Variants in OCM observed in about 807,000 individuals in gnomAD.
OCM encodes oncomodulin.
Under a neutral mutation model 14.1 loss-of-function variants are expected in OCM, and 18 were observed. The observed-to-expected ratio is 1.28, with a 90% CI of 0.88 to 1.89. The LOEUF (loss-of-function observed/expected upper bound fraction) is 1.89, where lower values mean the gene tolerates loss of function less well. OCM is among the 40% of genes most tolerant of loss of function. The pLI is 0.00. For missense variants in OCM, 140 were observed against 137.6 expected, an observed-to-expected ratio of 1.02 and a Z score of -0.09; for synonymous variants, 48 against 51.0, an observed-to-expected ratio of 0.94 and a Z score of 0.25.
chr7:5,869,152 C>T, the OCM span, among the ~76,000 whole-genome samples: 1 of 152,170 alleles, frequency 6.6e-6, no homozygotes, highest in African/African-American at 2.4e-5. Flanking sequence ...ATTCTGAATA[C>T]AGTACTGACA....
chr7:5,880,710 G>C, upstream of OCM: 2 of 559,616 alleles, frequency 3.6e-6, no homozygotes, highest in South Asian at 2.5e-5. Flanking sequence ...GGTGAGCCGA[G>C]ATCACGCTCT....
chr7:5,882,766 A>G (rs1187882054), intron 2 of OCM, 141 bp downstream of exon 2: 5 of 978,272 alleles, frequency 5.1e-6, no homozygotes, highest in Admixed American at 2.8e-5. Flanking sequence ...AGCAAAGGAC[A>G]TGAGTCAGTT....
chr7:5,872,145 C>T, the OCM span: 1 of 152,228 alleles, frequency 6.6e-6, no homozygotes, highest in Non-Finnish European at 1.5e-5. Context: ...TCGTAGGTCA[C>T]AAGGGATGCA....
the OCM span, among the ~76,000 whole-genome samples, chr7:5,862,640 T>C: frequency 6.6e-6 from 1 of 152,218 alleles, no homozygotes; most frequent in African/African-American, 2.4e-5. Flanking sequence ...TTTACTGAGC[T>C]CAAGATGAAT....
upstream of OCM, among the ~76,000 whole-genome samples, chr7:5,876,371 A>G (rs1781096089): frequency 6.6e-6 from 1 of 151,930 alleles, no homozygotes; most frequent in Admixed American, 6.6e-5. Flanking sequence ...GGCTAGTCTT[A>G]AACTCCTGGG....
At chr7:5,874,729 C>T in the OCM span, among the ~76,000 whole-genome samples, 8 of 151,962 alleles carry the variant, frequency 5.3e-5, no homozygotes, top group South Asian at 1.7e-3. Flanking sequence ...TGGTCTCAAA[C>T]TCCTGGCTTC....
At chr7:5,879,686 A>C (rs1175975735), upstream of OCM, 1 of 148,380 alleles carries the variant, frequency 6.7e-6, no homozygotes, top group Non-Finnish European at 1.5e-5. Flanking sequence ...GGTTTGTTGA[A>C]GTTTGTTGTT....
intron 3 of OCM, among the ~76,000 whole-genome samples, chr7:5,885,585 C>T (rs973894620): frequency 9.3e-5 from 14 of 150,184 alleles, no homozygotes; most frequent in Admixed American, 2.0e-4. Context: ...TCATTGATAC[C>T]CAGGGTTTTT....
rs957388074 is a variant in OCM at position 5,886,243 on chromosome 7, C to G, written c.*154C>G. The G allele has an allele frequency of 5.5e-6, 6 of 1,093,492 alleles. No individual in the cohort carries two copies. Among genetic ancestry groups the G allele is most frequent in the Non-Finnish European group, 8.0e-6 (6 of 750,322 alleles). 67.7% of individuals were successfully genotyped at this position (1,093,492 alleles called of 1,614,324 possible). A position where few individuals can be genotyped will look rare whatever the true frequency, so the allele number is the denominator to read the frequency against. ...TTTGCTCATTGTTTTAGTGAGGTCA[C>G]GAGGGAGTCACTCCTGACTTTCTTG... On this transcript the variant is annotated 3_prime_UTR_variant, in exon 4 of 4. Coordinates refer to ENST00000242104, the MANE Select transcript of OCM (RefSeq NM_001097622.2).
chr7:5,867,771 GT>G, the OCM span, among the ~76,000 whole-genome samples: 1 of 151,734 alleles, frequency 6.6e-6, no homozygotes, highest in Non-Finnish European at 1.5e-5. Flanking sequence ...TTGGGGGGTT[GT>G]TTTTTCTAAG....
At chr7:5,881,679 G>A (rs183926126) in intron 1 of OCM, among the ~76,000 whole-genome samples, 27 of 151,978 alleles carry the variant, frequency 1.8e-4, no homozygotes, top group Middle Eastern at 3.4e-3. Flanking sequence ...AAAATTCATG[G>A]AATCAGAGAA....
chr7:5,882,631 C>G lies in OCM; in HGVS notation c.194+6C>G, dbSNP rs757194085. ...CTGGATGAAGAAGAGCTTAAGTAAG[C>G]TTTGTCCTGAGTCTGTCTGGTACCC... On this transcript the variant is annotated splice_donor_region_variant and intron_variant, in intron 2 of 3. Transcript: ENST00000242104. 17 of 1,613,948 alleles carry G rather than the reference C, an allele frequency of 1.1e-5. No individual in the cohort carries two copies. Among genetic ancestry groups the G allele is most frequent in the South Asian group, 9.9e-5 (9 of 91,068 alleles).
At chr7:5,861,498 A>C in the OCM span, among the ~76,000 whole-genome samples, 2 of 152,142 alleles carry the variant, frequency 1.3e-5, no homozygotes, top group South Asian at 2.1e-4. Context: ...AGACACTTCC[A>C]CTGTGTTTTC....
chr7:5,869,877 T>A, the OCM span, among the ~76,000 whole-genome samples: 1 of 152,138 alleles, frequency 6.6e-6, no homozygotes, highest in Non-Finnish European at 1.5e-5. Context: ...GCCCCTGACA[T>A]TGGCTGACCC....
At chr7:5,866,882 G>A in the OCM span, among the ~76,000 whole-genome samples, 1 of 152,152 alleles carries the variant, frequency 6.6e-6, no homozygotes, top group African/African-American at 2.4e-5. Context: ...GTAAGGTCCA[G>A]TCCCTATAAC....
chr7:5,861,891 T>A, the OCM span, among the ~76,000 whole-genome samples: 5,510 of 152,086 alleles, frequency 0.036, 122 homozygotes, highest in Non-Finnish European at 0.053. Context: ...CTTTTTAATT[T>A]AAAAAAATTT....
chr7:5,867,194 T>A, the OCM span, among the ~76,000 whole-genome samples: 1 of 152,124 alleles, frequency 6.6e-6, no homozygotes, highest in Non-Finnish European at 1.5e-5. Context: ...TTGTTTCTGA[T>A]CAGAAGTCTG....
At chr7:5,879,089 T>C (rs1172941366), upstream of OCM, among the ~76,000 whole-genome samples, 1 of 152,032 alleles carries the variant, frequency 6.6e-6, no homozygotes, top group African/African-American at 2.4e-5. Context: ...TAGTACCAGC[T>C]ACTCGGGAGA....
chr7:5,867,768 G>A, the OCM span, among the ~76,000 whole-genome samples: 1 of 150,958 alleles, frequency 6.6e-6, no homozygotes, highest in Non-Finnish European at 1.5e-5. Flanking sequence ...GTTTTGGGGG[G>A]TTGTTTTTTC....
Sources: allele counts gnomAD v4.1 joint callset (sites outside exome capture counted in the v4.1 genomes callset), GRCh38; gene constraint gnomAD v4.1.1; transcripts MANE v1.5; gene names NCBI Gene and HGNC (gene_info 2026-07-23, HGNC 2026-07-21).